The following KIAA1328 variants were observed in gnomAD, a reference collection of about 807,000 sequenced individuals.
KIAA1328 encodes protein hinderin.
In KIAA1328, 52 loss-of-function variants were observed where a neutral mutation model predicts 68.1. The observed-to-expected ratio is 0.76, with a 90% confidence interval of 0.61 to 0.96. The LOEUF is 0.96. Among genes scored for constraint, KIAA1328 ranks in the 40% least tolerant of loss-of-function variants. KIAA1328 has a pLI of 0.00. For synonymous variants in KIAA1328, 232 were observed against 239.4 expected (o/e 0.97, Z 0.28); for missense variants, 641 against 677.6 (o/e 0.95, Z 0.60).
intron 9 of KIAA1328, among the ~76,000 whole-genome samples, chr18:37,220,873 C>T (rs912800155): frequency 6.6e-6 from 1 of 152,212 alleles, no homozygotes; most frequent in African/African-American, 2.4e-5. Context: ...ATTGCCCAGG[C>T]TGGAGTGCAG....
At chr18:36,992,212 T>C (rs1199278997) in intron 6 of KIAA1328, among the ~76,000 whole-genome samples, 1 of 152,204 alleles carries the variant, frequency 6.6e-6, no homozygotes, top group Non-Finnish European at 1.5e-5. Flanking sequence ...TTATAGTTTC[T>C]TTGCTGTCTT....
At chr18:37,083,793 G>A (rs1225349500) in intron 7 of KIAA1328, among the ~76,000 whole-genome samples, 1 of 152,202 alleles carries the variant, frequency 6.6e-6, no homozygotes, top group African/African-American at 2.4e-5. Flanking sequence ...GGTGATCGCA[G>A]TACACTTGCT....
chr18:36,871,783 T>C (rs897798846), intron 4 of KIAA1328, among the ~76,000 whole-genome samples: 3 of 152,026 alleles, frequency 2.0e-5, no homozygotes, highest in Admixed American at 1.3e-4. Context: ...AGGAGACTTA[T>C]GCTGATAGGG....
At chr18:36,985,135 C>T (rs1169413823) in intron 6 of KIAA1328, among the ~76,000 whole-genome samples, 2 of 151,904 alleles carry the variant, frequency 1.3e-5, no homozygotes, top group African/African-American at 4.8e-5. Context: ...GACCCTTTCT[C>T]TCCAAAATCC....
intron 7 of KIAA1328, among the ~76,000 whole-genome samples, chr18:37,073,458 A>G (rs2056604882): frequency 6.6e-6 from 1 of 152,236 alleles, no homozygotes; most frequent in African/African-American, 2.4e-5. Context: ...ACAATGCGAT[A>G]CCATCTCACG....
intron 6 of KIAA1328, among the ~76,000 whole-genome samples, chr18:36,962,008 A>G (rs766267732): frequency 2.6e-5 from 4 of 152,380 alleles, no homozygotes; most frequent in South Asian, 4.1e-4. Flanking sequence ...CAGTTAAAAG[A>G]CACAGACTGG....
chr18:37,218,967 T>A (rs1260378624), intron 9 of KIAA1328, among the ~76,000 whole-genome samples: 2 of 152,222 alleles, frequency 1.3e-5, no homozygotes, highest in African/African-American at 2.4e-5. Context: ...CTTTGATCTC[T>A]GATGATGGTG....
intron 7 of KIAA1328, among the ~76,000 whole-genome samples, chr18:37,091,742 CA>C (rs1221171715): frequency 6.6e-6 from 1 of 152,182 alleles, no homozygotes; most frequent in African/African-American, 2.4e-5. Context: ...GCTAAATTGT[CA>C]TGATGCTGGC....
chr18:36,935,482 T>C (rs190722982), intron 5 of KIAA1328, among the ~76,000 whole-genome samples: 2 of 152,342 alleles, frequency 1.3e-5, no homozygotes, highest in Admixed American at 6.5e-5. Context: ...AGATATCATA[T>C]GGCCATTAAT....
At chr18:37,016,082 C>T (rs1467887173) in intron 6 of KIAA1328, among the ~76,000 whole-genome samples, 2 of 152,044 alleles carry the variant, frequency 1.3e-5, no homozygotes, top group Non-Finnish European at 2.9e-5. Flanking sequence ...TTTCAGTTAT[C>T]AAGGGGAATG....
chr18:37,083,772 A>G (rs1167341581), intron 7 of KIAA1328, among the ~76,000 whole-genome samples: 1 of 152,198 alleles, frequency 6.6e-6, no homozygotes, highest in Non-Finnish European at 1.5e-5. Flanking sequence ...TAGAATTCAC[A>G]TTGAGACACT....
At chr18:36,967,651 C>T (rs112234032) in intron 6 of KIAA1328, among the ~76,000 whole-genome samples, 36 of 152,260 alleles carry the variant, frequency 2.4e-4, no homozygotes, top group African/African-American at 8.7e-4. Context: ...AAAACTGGTA[C>T]ACTCCTAGCA....
At chr18:37,011,218 T>C (rs1323495456) in intron 6 of KIAA1328, among the ~76,000 whole-genome samples, 1 of 152,198 alleles carries the variant, frequency 6.6e-6, no homozygotes, top group Non-Finnish European at 1.5e-5. Flanking sequence ...ACAGTGCATA[T>C]GTGATCTGTC....
intron 6 of KIAA1328, among the ~76,000 whole-genome samples, chr18:37,026,187 T>C (rs1293850564): frequency 6.6e-6 from 1 of 152,028 alleles, no homozygotes; most frequent in Non-Finnish European, 1.5e-5. Flanking sequence ...AAATTGAATC[T>C]CTGAATAGAC....
At chr18:37,087,580 C>T (rs1040896686) in intron 7 of KIAA1328, among the ~76,000 whole-genome samples, 2 of 152,096 alleles carry the variant, frequency 1.3e-5, no homozygotes, top group Admixed American at 1.3e-4. Context: ...TATTGTGAAG[C>T]AAAACAATAA....
At position 36,829,127 on chromosome 18, in the gene KIAA1328, G is replaced by T. The variant is rs1161552755; in HGVS notation, c.-12G>T. The T allele has an allele frequency of 1.8e-5, 28 of 1,532,512 alleles. No individual in the cohort carries two copies. The highest frequency in any genetic ancestry group is 2.4e-5 in the Non-Finnish European group (27 of 1,141,704). The allele number at this position is 1,532,512 out of a possible 1,614,324, so 94.9% of individuals were successfully genotyped here. ...GCCCAGGCGCGACGCCCCGAGTGGC[G>T]GTTGTTTCAAGATGGCGGACGTGGC... On this transcript the variant is annotated 5_prime_UTR_variant, in exon 1 of 10. Coordinates refer to ENST00000280020, the MANE Select transcript of KIAA1328 (RefSeq NM_020776.3).
intron 9 of KIAA1328, among the ~76,000 whole-genome samples, chr18:37,174,579 A>G (rs1568495977): frequency 1.5e-5 from 2 of 129,840 alleles, no homozygotes; most frequent in Admixed American, 7.6e-5. Context: ...TTTTATTTTT[A>G]TTTTTATTTT....
intron 5 of KIAA1328, among the ~76,000 whole-genome samples, chr18:36,956,744 C>T (rs763283968): frequency 6.6e-6 from 1 of 152,080 alleles, no homozygotes; most frequent in Non-Finnish European, 1.5e-5. Context: ...TATTCTGTGA[C>T]CAGACTAATA....
At chr18:36,924,267 G>A (rs554275859) in intron 5 of KIAA1328, among the ~76,000 whole-genome samples, 40 of 152,222 alleles carry the variant, frequency 2.6e-4, no homozygotes, top group African/African-American at 8.9e-4. Context: ...AGGATAAAAG[G>A]TAGATTTGAG....
Sources: gnomAD v4.1 joint callset for allele counts (sites outside exome capture counted in the v4.1 genomes callset) on GRCh38, gnomAD v4.1.1 for gene constraint, MANE v1.5 for transcripts, NCBI Gene and HGNC (gene_info 2026-07-23, HGNC 2026-07-21) for gene names.